The following BCAS3 variants were observed in gnomAD, a reference collection of about 807,000 sequenced individuals.
BCAS3 encodes BCAS4/BCAS3 fusion.
In BCAS3, 53 loss-of-function variants were observed where a neutral mutation model predicts 116.1. That is an observed-to-expected ratio of 0.46 (90% confidence interval 0.37 to 0.57). The LOEUF (loss-of-function observed/expected upper bound fraction) is 0.57. BCAS3 is among the 20% of genes least tolerant of loss of function. The probability of loss-of-function intolerance (pLI) is 0.00; values close to 1 mark genes in which losing one functional copy is unlikely to be tolerated. For synonymous variants in BCAS3, 391 were observed against 408.2 expected, an observed-to-expected ratio of 0.96 and a Z score of 0.51; for missense variants, 917 against 1,165.4, an observed-to-expected ratio of 0.79 and a Z score of 3.10.
rs1212741224 is a variant in BCAS3, at chr17:61,235,298, C to A, written c.2426-133029C>A. ...CCGGATAAGTGTAGTTTCCAGAATC[C>A]TTCTTGGCTAGTTATAGTCTAAGAC... On this transcript the variant is annotated intron_variant, in intron 22 of 23. Transcript: ENST00000407086. This position sits in a 1 kb window ranked among gnomAD's most constrained non-coding sequence, Gnocchi z 5.0. Among the ~76,000 whole-genome samples, 2 of 152,192 alleles carry A rather than the reference C, an allele frequency of 1.3e-5. No individual in the cohort carries two copies. Among genetic ancestry groups the A allele is most frequent in the African/African-American group, 4.8e-5 (2 of 41,456 alleles).
At chr17:60,777,020 A>AT (rs2045363854) in intron 6 of BCAS3, among the ~76,000 whole-genome samples, 1 of 151,628 alleles carries the variant, frequency 6.6e-6, no homozygotes, top group African/African-American at 2.4e-5. Flanking sequence ...CCATCTCAAA[A>AT]AAAAAAAAAA....
chr17:61,206,592 G>C (rs2081139551), intron 22 of BCAS3, among the ~76,000 whole-genome samples: 1 of 151,964 alleles, frequency 6.6e-6, no homozygotes, highest in Non-Finnish European at 1.5e-5. Flanking sequence ...CCGAGGTCAG[G>C]AGTTCGAGAC....
chr17:61,306,985 C>CT (rs2144762240), intron 22 of BCAS3, among the ~76,000 whole-genome samples: 1 of 152,338 alleles, frequency 6.6e-6, no homozygotes, highest in South Asian at 2.1e-4. Flanking sequence ...AGGAACAGCT[C>CT]TGGGTCTCTT....
intron 12 of BCAS3, among the ~76,000 whole-genome samples, chr17:60,921,453 A>C (rs1309276804): frequency 1.3e-5 from 2 of 151,882 alleles, no homozygotes; most frequent in East Asian, 3.9e-4. Flanking sequence ...CTCTACTAAA[A>C]ATACAAAAAA....
rs1423954747 is a variant in BCAS3 at position 61,203,705 on chromosome 17, G to A, written c.2425+119141G>A. Among the ~76,000 whole-genome samples, 1 of 151,996 alleles carries A rather than the reference G, an allele frequency of 6.6e-6. No individual in the cohort carries two copies. The highest frequency in any genetic ancestry group is 1.5e-5 in the Non-Finnish European group (1 of 67,996). ...CTTTGTAACCATTTTTTTGTTTCAG[G>A]TTGAGTGTGATTCTTTCTTCCCAGC... On this transcript the variant is annotated intron_variant, in intron 22 of 23. Coordinates refer to ENST00000407086, the MANE Select transcript of BCAS3 (RefSeq NM_017679.5). This position sits in a 1 kb window ranked among gnomAD's most constrained non-coding sequence, Gnocchi z 5.7.
chr17:61,232,494 G>T (rs78169526), intron 22 of BCAS3, among the ~76,000 whole-genome samples: 2,550 of 152,172 alleles, frequency 0.017, 83 homozygotes, highest in African/African-American at 0.058. Flanking sequence ...TCCCAGGTAG[G>T]AATATGTGTT....
intron 22 of BCAS3, among the ~76,000 whole-genome samples, chr17:61,093,533 G>A (rs1471181705): frequency 6.6e-6 from 1 of 152,164 alleles, no homozygotes; most frequent in Admixed American, 6.5e-5. Flanking sequence ...GCTGCAGTGA[G>A]CTGTGATCAC....
chr17:60,811,166 A>G (rs1598875580), intron 7 of BCAS3: 1 of 647,610 alleles, frequency 1.5e-6, no homozygotes, highest in South Asian at 1.5e-5. Context: ...TACACCCTGC[A>G]GATGGGGCAG....
In BCAS3 at chr17:61,128,664, T is replaced by A; in HGVS notation, c.2425+44100T>A. 1.1e-6 allele frequency: 1 copy of A among 909,490 alleles called. No individual in the cohort carries two copies. Among genetic ancestry groups the A allele is most frequent in the Non-Finnish European group, 1.3e-6 (1 of 760,972 alleles). 56.3% of individuals were successfully genotyped at this position (909,490 alleles called of 1,614,324 possible). ...ACTGTTAGCCCTCTTTTGTATTGTTTCTGCATCGTCCTGTCAAACATCTGG... is the reference window on the plus strand; with the variant it reads ...ACTGTTAGCCCTCTTTTGTATTGTTACTGCATCGTCCTGTCAAACATCTGG... On this transcript the variant is annotated intron_variant, in intron 22 of 23. Transcript: ENST00000407086. This position sits in a 1 kb window ranked among gnomAD's most constrained non-coding sequence, Gnocchi z 4.1.
chr17:61,348,613 G>A lies in BCAS3; in HGVS notation c.2426-19714G>A, dbSNP rs1208809592. Among the ~76,000 whole-genome samples, 1 of 152,062 alleles carries A rather than the reference G, an allele frequency of 6.6e-6. No homozygotes were observed. Among genetic ancestry groups the A allele is most frequent in the Non-Finnish European group, 1.5e-5 (1 of 68,008 alleles). ...GGAAGAGGAAAACTGAGGAAGCTAG[G>A]GAGTAGTCAGCAATTTCCCAATGAA... On this transcript the variant is annotated intron_variant, in intron 22 of 23. Coordinates refer to ENST00000407086, the MANE Select transcript of BCAS3 (RefSeq NM_017679.5). This position sits in a 1 kb window ranked among gnomAD's most constrained non-coding sequence, Gnocchi z 4.5.
At chr17:61,320,813 T>C (rs2055149179) in intron 22 of BCAS3, among the ~76,000 whole-genome samples, 2 of 152,220 alleles carry the variant, frequency 1.3e-5, no homozygotes, top group Admixed American at 1.3e-4. Flanking sequence ...GATGTATGTT[T>C]CATATATATT....
intron 22 of BCAS3, among the ~76,000 whole-genome samples, chr17:61,164,553 G>A (rs754120032): frequency 2.2e-4 from 33 of 152,116 alleles, no homozygotes; most frequent in Non-Finnish European, 3.7e-4. Context: ...TGCTGTTATC[G>A]CAGGAGTAGG....
At chr17:60,681,729 CAT>C (rs1177373163) in intron 2 of BCAS3, among the ~76,000 whole-genome samples, 4 of 147,396 alleles carry the variant, frequency 2.7e-5, no homozygotes, top group Admixed American at 1.4e-4. Context: ...TTTTTGTATA[CAT>C]ATATATATAT....
intron 22 of BCAS3, among the ~76,000 whole-genome samples, chr17:61,230,219 A>T (rs568438596): frequency 1.3e-4 from 20 of 152,190 alleles, no homozygotes; most frequent in African/African-American, 4.6e-4. Context: ...TTTAATATGT[A>T]AGCTATTTGT....
At chr17:61,296,861 A>G (rs937187835) in intron 22 of BCAS3, among the ~76,000 whole-genome samples, 2 of 152,238 alleles carry the variant, frequency 1.3e-5, no homozygotes, top group East Asian at 1.9e-4. Context: ...GACATAAGAC[A>G]TAAATGCTTG....
chr17:61,237,589 G>C (rs531268205), intron 22 of BCAS3, among the ~76,000 whole-genome samples: 5 of 152,258 alleles, frequency 3.3e-5, no homozygotes, highest in African/African-American at 1.2e-4. Flanking sequence ...TCGAAGGTCC[G>C]CAGCTTCATT....
rs2056414445 is a variant in BCAS3, at chr17:61,332,991, A to G, written c.2426-35336A>G. ...AAGTCTAGGGCAGAGCGGGGACTAT[A>G]TTCTGGCTTCCTGACTCTGAGTTCA... is the stretch of plus-strand genomic sequence containing the variant. On this transcript the variant is annotated intron_variant, in intron 22 of 23. Coordinates refer to ENST00000407086, the MANE Select transcript of BCAS3 (RefSeq NM_017679.5). This position sits in a 1 kb window ranked among gnomAD's most constrained non-coding sequence, Gnocchi z 5.4. Among the ~76,000 whole-genome samples, 1 of 152,192 alleles carries G rather than the reference A, an allele frequency of 6.6e-6. No individual in the cohort carries two copies. The highest frequency in any genetic ancestry group is 1.5e-5 in the Non-Finnish European group (1 of 68,030).
intron 14 of BCAS3, among the ~76,000 whole-genome samples, chr17:60,963,080 C>T (rs752265412): frequency 1.3e-5 from 2 of 152,090 alleles, no homozygotes; most frequent in South Asian, 2.1e-4. Flanking sequence ...TTCTCTAGTA[C>T]GTTCCGTTGG....
chr17:60,701,010 G>A (rs2143936806), intron 4 of BCAS3, among the ~76,000 whole-genome samples: 1 of 152,012 alleles, frequency 6.6e-6, no homozygotes, highest in East Asian at 1.9e-4. Flanking sequence ...TTGGGAGGCT[G>A]AGGTGGGCAG....
Sources: allele counts gnomAD v4.1 joint callset (sites outside exome capture counted in the v4.1 genomes callset), GRCh38; gene constraint gnomAD v4.1.1; non-coding constraint Gnocchi (gnomAD v3.1); transcripts MANE v1.5; gene names NCBI Gene and HGNC (gene_info 2026-07-23, HGNC 2026-07-21).